CLTC: variants seen among roughly 807,000 people sequenced by gnomAD.
CLTC encodes clathrin heavy chain.
CLTC carries 16 observed loss-of-function variants against 195.8 expected under a neutral mutation model. That is an observed-to-expected ratio of 0.08 (90% CI 0.06 to 0.12). The LOEUF is 0.12. CLTC is among the 10% of genes least tolerant of loss of function. CLTC has a pLI of 1.00. For synonymous variants in CLTC, 667 were observed against 689.4 expected (o/e 0.97, Z 0.51); for missense variants, 796 against 2,027.0 (o/e 0.39, Z 11.66).
At chr17:59,668,113 T>G (rs2032771276) in intron 13 of CLTC, among the ~76,000 whole-genome samples, 1 of 152,242 alleles carries the variant, frequency 6.6e-6, no homozygotes, top group East Asian at 1.9e-4. Context: ...ATGTGTTTAG[T>G]GGCTATTATA....
In CLTC at chr17:59,681,242, A is replaced by C. The variant is rs2033075363; in HGVS notation, c.3066-53A>C. ...CCGTTAGTCACAGTGGTTATTTTTTATGTCGGATAAACTTAAAATATTGCA... is the reference window on the plus strand; with the variant it reads ...CCGTTAGTCACAGTGGTTATTTTTTCTGTCGGATAAACTTAAAATATTGCA... On this transcript the variant is annotated intron_variant, in intron 19 of 31. Transcript: ENST00000269122. The surrounding 1 kb of genome is among the most constrained non-coding windows in gnomAD (Gnocchi z 5.0). 6.5e-7 allele frequency: 1 copy of C among 1,545,946 alleles called. No individual in the cohort carries two copies. Among genetic ancestry groups the C allele is most frequent in the Non-Finnish European group, 8.8e-7 (1 of 1,138,308 alleles).
At chr17:59,628,946 G>A (rs1032315594) in intron 1 of CLTC, among the ~76,000 whole-genome samples, 4 of 152,162 alleles carry the variant, frequency 2.6e-5, no homozygotes, top group Non-Finnish European at 5.9e-5. Context: ...ACAGGCGTGA[G>A]CCATCGTGCC....
chr17:59,620,601 C>T (rs1013272093), intron 1 of CLTC, among the ~76,000 whole-genome samples: 1 of 122,870 alleles, frequency 8.1e-6, no homozygotes, highest in South Asian at 2.8e-4. Flanking sequence ...TTTCCCTCAT[C>T]GTGTCTGCAC....
At chr17:59,637,698 CAAAAAAAAA>C (rs35693192) in intron 1 of CLTC, among the ~76,000 whole-genome samples, 14 of 113,538 alleles carry the variant, frequency 1.2e-4, no homozygotes, top group Non-Finnish European at 2.4e-4. Flanking sequence ...CCTATCTCTA[CAAAAAAAAA>C]AAAAAAAAAT....
At chr17:59,636,479 A>G (rs1275830467) in intron 1 of CLTC, among the ~76,000 whole-genome samples, 2 of 152,068 alleles carry the variant, frequency 1.3e-5, no homozygotes, top group Non-Finnish European at 2.9e-5. Context: ...TTTTGGAGAC[A>G]GAGTCTTGCT....
chr17:59,644,538 T>TG (rs1419713403), intron 2 of CLTC, 55 bp downstream of exon 2: 39 of 1,382,528 alleles, frequency 2.8e-5, no homozygotes, highest in Middle Eastern at 1.8e-4. Flanking sequence ...TGTTTTTTTT[T>TG]GTTTTTTTTT....
chr17:59,658,873 TTAAA>T (rs1411231389), intron 6 of CLTC: 1 of 152,170 alleles, frequency 6.6e-6, no homozygotes, highest in Non-Finnish European at 1.5e-5. Context: ...ATTACTTCCT[TTAAA>T]TAAGCCTTGA....
chr17:59,667,472 C>CA (rs1319884941), intron 13 of CLTC, among the ~76,000 whole-genome samples: 1 of 152,198 alleles, frequency 6.6e-6, no homozygotes, highest in East Asian at 1.9e-4. Flanking sequence ...AAGGGATACT[C>CA]AGTCTGTACT....
chr17:59,655,827 AC>A (rs772023546), intron 5 of CLTC, 26 bp from the exon 6 acceptor site: 2 of 1,495,894 alleles, frequency 1.3e-6, no homozygotes, highest in Non-Finnish European at 1.8e-6. Flanking sequence ...TCATTATTTT[AC>A]TAAAGTGTTG....
chr17:59,651,761 C>T (rs1166963419), intron 5 of CLTC, among the ~76,000 whole-genome samples: 2 of 152,188 alleles, frequency 1.3e-5, no homozygotes, highest in South Asian at 2.1e-4. Flanking sequence ...TTCTCAATGT[C>T]GATGGCTGCT....
At chr17:59,673,256 C>T (rs2032893774) in intron 14 of CLTC, among the ~76,000 whole-genome samples, 1 of 151,980 alleles carries the variant, frequency 6.6e-6, no homozygotes, top group African/African-American at 2.4e-5. Context: ...AAATGTAAGC[C>T]ATTTATGCCA....
At chr17:59,676,711 G>T (rs552458313) in intron 16 of CLTC, among the ~76,000 whole-genome samples, 17 of 152,084 alleles carry the variant, frequency 1.1e-4, no homozygotes, top group Non-Finnish European at 2.2e-4. Context: ...TGCACCTATA[G>T]TACCAGCTAC....
chr17:59,660,514 G>T lies in CLTC; in HGVS notation c.1093G>T (p.Ala365Ser). ...CTTAGCCGGTGCTGAAGAACTCTTT[G>T]CCCGGAAATTTAATGCTCTTTTTGC... is the stretch of plus-strand genomic sequence containing the variant. Reference protein sequence around the residue: ...NNLAGAEELFARKFNALFAQG... With the variant: ...NNLAGAEELFSRKFNALFAQG... The change falls in exon 7 of 32, where the codon GCC becomes TCC. Residue 365 changes from alanine (A) to serine (S), a missense_variant. Physicochemically the swap from Ala to Ser is moderately conservative, Grantham distance 99. Transcript: ENST00000269122. The T allele has an allele frequency of 6.2e-7, 1 of 1,614,086 alleles. No homozygotes were observed. Among genetic ancestry groups the T allele is most frequent in the Non-Finnish European group, 8.5e-7 (1 of 1,180,002 alleles).
chr17:59,669,724 C>CTATA lies in CLTC; in HGVS notation c.2292+795_2292+798dup, dbSNP rs34435388. ...TGCCTATTATGTGTGTGTGTGTACA[C>CTATA]TATATATATATATAATGATTCCTGA... is the stretch of plus-strand genomic sequence containing the variant. On this transcript the variant is annotated intron_variant, in intron 14 of 31. Coordinates refer to ENST00000269122, the MANE Select transcript of CLTC (RefSeq NM_004859.4). Among the ~76,000 whole-genome samples, 52 of 93,430 alleles carry CTATA rather than the reference C, an allele frequency of 5.6e-4. 1 individual carries two copies. The highest frequency in any genetic ancestry group is 2.7e-3 in the South Asian group (9 of 3,324). The allele number at this position is 93,430 out of a possible 152,430, so 61.3% of individuals were successfully genotyped here. A position where few individuals can be genotyped will look rare whatever the true frequency, so the allele number is the denominator to read the frequency against.
intron 7 of CLTC, 36 bp from the exon 8 acceptor site, chr17:59,661,407 C>G (rs749086109): frequency 2.6e-6 from 4 of 1,546,344 alleles, no homozygotes; most frequent in Non-Finnish European, 2.7e-6. Flanking sequence ...CCTTCTTACA[C>G]TTTCGAAGAG....
chr17:59,622,987 G>A (rs1245992074), intron 1 of CLTC, among the ~76,000 whole-genome samples: 1 of 152,146 alleles, frequency 6.6e-6, no homozygotes, highest in Non-Finnish European at 1.5e-5. Flanking sequence ...GTGCCTATTT[G>A]AGCAAGATAC....
chr17:59,634,643 C>T (rs1010439462), intron 1 of CLTC, among the ~76,000 whole-genome samples: 2 of 152,034 alleles, frequency 1.3e-5, no homozygotes, highest in Non-Finnish European at 2.9e-5. Flanking sequence ...TTCTAAGAGC[C>T]AGTGATTCTC....
At position 59,640,895 on chromosome 17, in the gene CLTC, C is replaced by T. The variant is rs1184730459; in HGVS notation, c.43-3381C>T. Among the ~76,000 whole-genome samples the T allele has an allele frequency of 2.0e-5, 3 of 151,686 alleles. 1 individual carries two copies. The highest frequency in any genetic ancestry group is 4.1e-4 in the South Asian group (2 of 4,824). ...CAGCACTTTGGGAGGCCAAGGCGGACGGAACATGAGGTCAAGAGATCGAGA... is the reference window on the plus strand; with the variant it reads ...CAGCACTTTGGGAGGCCAAGGCGGATGGAACATGAGGTCAAGAGATCGAGA... On this transcript the variant is annotated intron_variant, in intron 1 of 31. Coordinates refer to ENST00000269122, the MANE Select transcript of CLTC (RefSeq NM_004859.4).
intron 16 of CLTC, 126 bp downstream of exon 16, chr17:59,674,969 A>G: frequency 1.1e-6 from 1 of 917,312 alleles, no homozygotes; most frequent in Non-Finnish European, 1.7e-6. Flanking sequence ...AAGACACCTA[A>G]CATAGAGGTG....
Sources: gnomAD v4.1 joint callset for allele counts (sites outside exome capture counted in the v4.1 genomes callset) on GRCh38, gnomAD v4.1.1 for gene constraint, Gnocchi (gnomAD v3.1) non-coding constraint, MANE v1.5 for transcripts, NCBI Gene and HGNC (gene_info 2026-07-23, HGNC 2026-07-21) for gene names.